The following DTNB variants were observed in gnomAD, a reference collection of about 807,000 sequenced individuals.
DTNB encodes the protein dystrobrevin beta, also known as DTN-B.
Under a neutral mutation model 90.7 loss-of-function variants are expected in DTNB, and 63 were observed. The ratio of observed to expected loss-of-function variants is 0.69; its 90% CI spans 0.57 to 0.86. DTNB has a LOEUF of 0.86. Ranked by LOEUF, DTNB falls within the 40% of genes least tolerant of loss-of-function variation. The pLI is 0.00. For synonymous variants in DTNB, 277 were observed against 286.7 expected, an observed-to-expected ratio of 0.97 and a Z score of 0.34; for missense variants, 744 against 807.1, an observed-to-expected ratio of 0.92 and a Z score of 0.95.
chr2:25,596,155 T>A lies in DTNB; in HGVS notation c.534A>T (p.Pro178=), dbSNP rs1402484066. 1 of 1,613,366 alleles carries A rather than the reference T, an allele frequency of 6.2e-7. No individual in the cohort carries two copies. The highest frequency in any genetic ancestry group is 1.3e-5 in the African/African-American group (1 of 74,872). The change falls in exon 6 of 21, where the codon CCA becomes CCT. Residue 178 remains proline, a synonymous_variant. Transcript: ENST00000406818. The part of the protein sequence containing the change: ...DQFLKEVLKL[P]TAVFEGPSFG... ...AAGATGGCCCTTCAAAGACAGCTGT[T>A]GGGAGCTTCAGAACTTCCTTCAGAA...
chr2:25,654,466 C>T (rs2148958307), intron 1 of DTNB, among the ~76,000 whole-genome samples: 1 of 152,286 alleles, frequency 6.6e-6, no homozygotes, highest in South Asian at 2.1e-4. Flanking sequence ...TCCAAAACAG[C>T]CATAGTGCTG....
intron 11 of DTNB, among the ~76,000 whole-genome samples, chr2:25,452,084 C>A (rs567960663): frequency 6.6e-6 from 1 of 152,244 alleles, no homozygotes; most frequent in Non-Finnish European, 1.5e-5. Flanking sequence ...CTTGCCAGGG[C>A]AGGCCAAACA....
intron 9 of DTNB, among the ~76,000 whole-genome samples, chr2:25,524,692 C>T (rs564628491): frequency 2.0e-5 from 3 of 152,158 alleles, no homozygotes; most frequent in Non-Finnish European, 2.9e-5. Flanking sequence ...GCTGTCCCTA[C>T]GCTTTCTTCC....
chr2:25,472,401 G>T (rs531566503), intron 10 of DTNB, among the ~76,000 whole-genome samples: 8 of 152,204 alleles, frequency 5.3e-5, no homozygotes, highest in Non-Finnish European at 1.2e-4. Flanking sequence ...GGCATTGTGA[G>T]AGGTCCAAGT....
At chr2:25,582,450 G>C (rs989615355) in intron 6 of DTNB, among the ~76,000 whole-genome samples, 1 of 152,078 alleles carries the variant, frequency 6.6e-6, no homozygotes. Flanking sequence ...TGCTTAATGG[G>C]GAATAGAAAA....
chr2:25,391,581 A>G (rs1461917466), intron 16 of DTNB, among the ~76,000 whole-genome samples: 3 of 151,846 alleles, frequency 2.0e-5, no homozygotes, highest in Non-Finnish European at 4.4e-5. Flanking sequence ...ATAATAAAAA[A>G]GACAGGTAAT....
At chr2:25,648,766 A>G (rs571072819) in intron 2 of DTNB, among the ~76,000 whole-genome samples, 323 of 152,254 alleles carry the variant, frequency 2.1e-3, no homozygotes, top group Non-Finnish European at 3.4e-3. Context: ...AAAGACATTC[A>G]TCTCAAGGGA....
At chr2:25,439,484 AGAGT>A (rs1329384824) in intron 12 of DTNB, among the ~76,000 whole-genome samples, 10 of 152,232 alleles carry the variant, frequency 6.6e-5, no homozygotes, top group African/African-American at 2.2e-4. Flanking sequence ...TCTGAGTGAC[AGAGT>A]GAGACCCCGT....
chr2:25,464,315 G>A (rs2061450248), intron 10 of DTNB, among the ~76,000 whole-genome samples: 1 of 152,210 alleles, frequency 6.6e-6, no homozygotes, highest in Non-Finnish European at 1.5e-5. Context: ...CCTGGAGCAT[G>A]TTGTAATGCC....
intron 3 of DTNB, among the ~76,000 whole-genome samples, chr2:25,634,216 GC>G (rs2076541920): frequency 9.8e-6 from 1 of 101,672 alleles, no homozygotes; most frequent in African/African-American, 3.4e-5. Flanking sequence ...CCGGCCAGCC[GC>G]CCTGTCCGGG....
At chr2:25,601,463 T>C (rs1025484305) in intron 5 of DTNB, among the ~76,000 whole-genome samples, 1 of 152,196 alleles carries the variant, frequency 6.6e-6, no homozygotes. Context: ...ATATCTTTTG[T>C]GTAATAAGCA....
intron 3 of DTNB, among the ~76,000 whole-genome samples, chr2:25,629,163 G>C (rs1042385780): frequency 6.6e-6 from 1 of 152,036 alleles, no homozygotes; most frequent in African/African-American, 2.4e-5. Flanking sequence ...GGAAGCAGAA[G>C]ACTGCAAAAT....
At chr2:25,481,079 T>C (rs1164326539) in intron 10 of DTNB, among the ~76,000 whole-genome samples, 39 of 152,234 alleles carry the variant, frequency 2.6e-4, no homozygotes, top group African/African-American at 9.4e-4. Context: ...GTAGATATTA[T>C]TTTTGTCCCC....
chr2:25,521,334 G>A (rs544317274), intron 9 of DTNB, among the ~76,000 whole-genome samples: 15 of 151,558 alleles, frequency 9.9e-5, no homozygotes, highest in Admixed American at 7.2e-4. Flanking sequence ...ACTGGAGCTC[G>A]AAAGCATCCA....
At chr2:25,643,506 ACT>A (rs1293689427) in intron 2 of DTNB, among the ~76,000 whole-genome samples, 2 of 152,234 alleles carry the variant, frequency 1.3e-5, no homozygotes, top group Non-Finnish European at 2.9e-5. Context: ...AGTGCAAAAA[ACT>A]CTGATCTACT....
chr2:25,485,819 TA>T (rs962532310), intron 9 of DTNB, among the ~76,000 whole-genome samples: 64 of 145,892 alleles, frequency 4.4e-4, no homozygotes, highest in Admixed American at 4.8e-4. Flanking sequence ...TCACAAAAAT[TA>T]AAAAAAAAAA....
chr2:25,569,656 G>C (rs746714327), intron 8 of DTNB, among the ~76,000 whole-genome samples: 9 of 152,046 alleles, frequency 5.9e-5, no homozygotes, highest in Non-Finnish European at 1.2e-4. Flanking sequence ...TATTTGATTC[G>C]GGGGCTACTG....
chr2:25,539,077 AATTC>A (rs1274403434), intron 8 of DTNB, among the ~76,000 whole-genome samples: 1 of 152,106 alleles, frequency 6.6e-6, no homozygotes, highest in Non-Finnish European at 1.5e-5. Flanking sequence ...ATGTAATTGC[AATTC>A]ATTCATTTTT....
At chr2:25,557,481 C>A (rs2057557284) in intron 8 of DTNB, among the ~76,000 whole-genome samples, 1 of 152,196 alleles carries the variant, frequency 6.6e-6, no homozygotes, top group Non-Finnish European at 1.5e-5. Flanking sequence ...ATGGTACAGA[C>A]ACACTAAAAG....
Sources: gnomAD v4.1 joint callset for allele counts (sites outside exome capture counted in the v4.1 genomes callset) on GRCh38, gnomAD v4.1.1 for gene constraint, MANE v1.5 for transcripts, NCBI Gene and HGNC (gene_info 2026-07-23, HGNC 2026-07-21) for gene names.